SATB2: variants seen among roughly 807,000 people sequenced by gnomAD.
SATB2 encodes SATB homeobox 2.
In SATB2, 1 loss-of-function variant was observed where a neutral mutation model predicts 73.4. That is an observed-to-expected ratio of 0.01 (90% CI 0.00 to 0.06). The LOEUF (loss-of-function observed/expected upper bound fraction) is 0.06, where lower values mean the gene tolerates loss of function less well. Among genes scored for constraint, SATB2 ranks in the 10% least tolerant of loss-of-function variants. SATB2 has a pLI of 1.00. For synonymous variants in SATB2, 397 were observed against 367.0 expected (o/e 1.08, Z -0.93); for missense variants, 459 against 945.8 (o/e 0.49, Z 6.75).
intron 9 of SATB2, among the ~76,000 whole-genome samples, chr2:199,323,476 TACAC>T (rs1553546876): frequency 2.3e-4 from 33 of 142,844 alleles, no homozygotes; most frequent in East Asian, 1.1e-3. Context: ...GTTTTGTTCA[TACAC>T]ACACACACAC....
At chr2:199,462,353 G>C (rs1218826920), upstream of SATB2, among the ~76,000 whole-genome samples, 1 of 152,154 alleles carries the variant, frequency 6.6e-6, no homozygotes, top group African/African-American at 2.4e-5. The surrounding 1 kb of genome is among the most constrained non-coding windows in gnomAD (Gnocchi z 5.9). Flanking sequence ...GTGGAGAGTT[G>C]GCGACCAACA....
In SATB2 at chr2:199,463,280, C is replaced by T. The variant is rs1331464996; in HGVS notation, c.-141+1556G>A. Among the ~76,000 whole-genome samples, 1 of 152,202 alleles carries T rather than the reference C, an allele frequency of 6.6e-6. No homozygotes were observed. Among genetic ancestry groups the T allele is most frequent in the Non-Finnish European group, 1.5e-5 (1 of 68,030 alleles). On this transcript the variant is annotated intron_variant, in intron 1 of 11. Transcript: ENST00000260926. The surrounding 1 kb of genome is among the most constrained non-coding windows in gnomAD (Gnocchi z 6.4). The stretch of plus-strand genomic sequence containing the variant: ...AATCTAGTTTACTTGTAGAAATCGA[C>T]TGTAAACCGGGACAACAAGGCAAGG...
At chr2:199,466,288 C>T (rs913960731), upstream of SATB2, among the ~76,000 whole-genome samples, 6 of 152,168 alleles carry the variant, frequency 3.9e-5, no homozygotes, top group African/African-American at 1.2e-4. Flanking sequence ...CAGCCCTTGC[C>T]GGCACTTAGG....
rs116839968 is a variant in SATB2, at chr2:199,288,569, A to T, written c.1741-15897T>A. 3.2e-3 allele frequency among the ~76,000 whole-genome samples: 488 copies of T among 152,316 alleles called. 4 individuals are homozygous for T. Among genetic ancestry groups the T allele is most frequent in the African/African-American group, 0.011 (465 of 41,562 alleles). ...GGTACTCAGAAGTCAGAACAATCTG[A>T]CAGTTATGGTTAGTGAAAATATTAG... On this transcript the variant is annotated intron_variant, in intron 10 of 10. Coordinates refer to ENST00000417098, the MANE Select transcript of SATB2 (RefSeq NM_001172509.2).
intron 9 of SATB2, among the ~76,000 whole-genome samples, chr2:199,310,111 T>C (rs1376350491): frequency 6.6e-6 from 1 of 152,210 alleles, no homozygotes; most frequent in African/African-American, 2.4e-5. Flanking sequence ...GGCCTCCATG[T>C]TAATAACCTG....
At chr2:199,405,454 C>T (rs1690602989) in intron 3 of SATB2, among the ~76,000 whole-genome samples, 1 of 152,094 alleles carries the variant, frequency 6.6e-6, no homozygotes, top group Admixed American at 6.5e-5. Context: ...GGAATCTGCA[C>T]TTAAATAAGC....
In SATB2 at chr2:199,333,848, A is replaced by C. The variant is rs568948950; in HGVS notation, c.1174-4938T>G. ...ATTTAATTGTAACTTAATGAGGCAT[A>C]ATTTATTTTTTAAAGTGATATACAC... On this transcript the variant is annotated intron_variant, in intron 7 of 10. Coordinates refer to ENST00000417098, the MANE Select transcript of SATB2 (RefSeq NM_001172509.2). 4.3e-4 allele frequency among the ~76,000 whole-genome samples: 66 copies of C among 152,246 alleles called. 1 individual carries two copies. The highest frequency in any genetic ancestry group is 1.5e-3 in the African/African-American group (64 of 41,570).
At chr2:199,450,693 T>G (rs1309189687) in intron 2 of SATB2, among the ~76,000 whole-genome samples, 1 of 152,054 alleles carries the variant, frequency 6.6e-6, no homozygotes, top group African/African-American at 2.4e-5. Flanking sequence ...ACATGTCTTT[T>G]TAAATATATA....
intron 2 of SATB2, among the ~76,000 whole-genome samples, chr2:199,444,743 A>T (rs1191609853): frequency 1.3e-5 from 2 of 152,194 alleles, no homozygotes; most frequent in African/African-American, 4.8e-5. Flanking sequence ...AGTATCACCC[A>T]AGAGGTAAGA....
rs182113693 is a variant in SATB2 at position 199,420,284 on chromosome 2, C to T, written c.346+13054G>A. On this transcript the variant is annotated intron_variant, in intron 3 of 10. Coordinates refer to ENST00000417098, the MANE Select transcript of SATB2 (RefSeq NM_001172509.2). ...AACACACTTAGAACAGTGCCTCACA[C>T]ATAGTAAGCTCTATGTTTCCTAGCA... Among the ~76,000 whole-genome samples, 18 of 152,336 alleles carry T rather than the reference C, an allele frequency of 1.2e-4. No homozygotes were observed. The East Asian group carries it at 3.5e-3, about 29-fold the overall frequency.
Position 199,464,667 on chromosome 2 carries a change from C to T in SATB2, c.-141+169G>A, listed in dbSNP as rs1406738047. On this transcript the variant is annotated intron_variant, in intron 1 of 11. Transcript: ENST00000260926. The surrounding 1 kb of genome is among the most constrained non-coding windows in gnomAD (Gnocchi z 6.6). ...GGCCGGGGTCTGGCGAGCCAGGCAGCGGGCCGGCTGAGCTCCTGCGCCCCG... is the reference window on the plus strand; with the variant it reads ...GGCCGGGGTCTGGCGAGCCAGGCAGTGGGCCGGCTGAGCTCCTGCGCCCCG... Among the ~76,000 whole-genome samples, 5 of 152,150 alleles carry T rather than the reference C, an allele frequency of 3.3e-5. No individual in the cohort carries two copies. The highest frequency in any genetic ancestry group is 5.9e-5 in the Non-Finnish European group (4 of 68,016).
intron 3 of SATB2, among the ~76,000 whole-genome samples, chr2:199,420,733 T>C (rs115006329): frequency 4.6e-5 from 7 of 152,248 alleles, no homozygotes; most frequent in Non-Finnish European, 1.0e-4. Context: ...TAGTTTGAAG[T>C]GCAAATGGGT....
chr2:199,282,864 A>G (rs1692567944), intron 10 of SATB2, among the ~76,000 whole-genome samples: 1 of 152,170 alleles, frequency 6.6e-6, no homozygotes, highest in Non-Finnish European at 1.5e-5. Flanking sequence ...TTAAAATGGC[A>G]CCTGGCACAG....
intron 3 of SATB2, among the ~76,000 whole-genome samples, chr2:199,425,350 T>C (rs1457962891): frequency 6.6e-6 from 1 of 152,220 alleles, no homozygotes; most frequent in Non-Finnish European, 1.5e-5. Flanking sequence ...TTAAAAAATA[T>C]ATCAAAGTTA....
rs910842929 is a variant in SATB2, at chr2:199,271,449, T to C, written c.*762A>G. On this transcript the variant is annotated 3_prime_UTR_variant, in exon 11 of 11. Coordinates refer to ENST00000417098, the MANE Select transcript of SATB2 (RefSeq NM_001172509.2). ...TTATTTGACTTGTATCATTTTAATG[T>C]GCCCTGATTGTTTTCACTTCACTTT... 1 of 152,422 alleles carries C rather than the reference T, an allele frequency of 6.6e-6. No individual in the cohort carries two copies. Among genetic ancestry groups the C allele is most frequent in the African/African-American group, 2.4e-5 (1 of 41,360 alleles). The allele number at this position is 152,422 out of a possible 1,614,324, so 9.4% of individuals were successfully genotyped here.
rs776181797 is a variant in SATB2, at chr2:199,464,486, C to G, written c.-141+350G>C. The stretch of plus-strand genomic sequence containing the variant: ...ACTTGTCAACTATTGAGACAGCGAC[C>G]CAGAAAGGTGTAAATTCACCTGGTG... On this transcript the variant is annotated intron_variant, in intron 1 of 11. Coordinates refer to the SATB2 transcript ENST00000260926. The surrounding 1 kb of genome is among the most constrained non-coding windows in gnomAD (Gnocchi z 6.6). Among the ~76,000 whole-genome samples the G allele has an allele frequency of 2.6e-5, 4 of 152,066 alleles. No homozygotes were observed. The highest frequency in any genetic ancestry group is 5.9e-5 in the Non-Finnish European group (4 of 68,018).
At chr2:199,379,831 A>G (rs962636060) in intron 5 of SATB2, among the ~76,000 whole-genome samples, 1 of 150,662 alleles carries the variant, frequency 6.6e-6, no homozygotes, top group Non-Finnish European at 1.5e-5. Flanking sequence ...CCTGGCCCGT[A>G]TACGTAAATT....
chr2:199,377,979 C>G (rs752499829), intron 5 of SATB2, among the ~76,000 whole-genome samples: 3 of 151,876 alleles, frequency 2.0e-5, no homozygotes, highest in Non-Finnish European at 4.4e-5. Context: ...TAAAGATGAT[C>G]TCATTTGAAC....
At chr2:199,460,386 A>G (rs1251308440), upstream of SATB2, 1 of 152,390 alleles carries the variant, frequency 6.6e-6, no homozygotes, top group East Asian at 1.9e-4. This position sits in a 1 kb window ranked among gnomAD's most constrained non-coding sequence, Gnocchi z 4.0. Context: ...CCCGTTTACA[A>G]CATGGGGAAA....
Sources: allele counts gnomAD v4.1 joint callset (sites outside exome capture counted in the v4.1 genomes callset), GRCh38; gene constraint gnomAD v4.1.1; non-coding constraint Gnocchi (gnomAD v3.1); transcripts MANE v1.5; gene names NCBI Gene and HGNC (gene_info 2026-07-23, HGNC 2026-07-21).